NCALD: variants seen among roughly 807,000 people sequenced by gnomAD.
NCALD encodes the protein neurocalcin delta.
In NCALD, 10 loss-of-function variants were observed where a neutral mutation model predicts 18.6. That is an observed-to-expected ratio of 0.54 (90% CI 0.33 to 0.91). The LOEUF (loss-of-function observed/expected upper bound fraction) is 0.91. Among genes scored for constraint, NCALD ranks in the 40% least tolerant of loss-of-function variants. NCALD has a pLI of 0.03. For missense variants in NCALD, 184 were observed against 247.6 expected, an observed-to-expected ratio of 0.74 and a Z score of 1.72; for synonymous variants, 88 against 87.4, an observed-to-expected ratio of 1.01 and a Z score of -0.04.
At chr8:101,753,654 T>A (rs10216921) in intron 1 of NCALD, among the ~76,000 whole-genome samples, 1 of 151,878 alleles carries the variant, frequency 6.6e-6, no homozygotes, top group Admixed American at 6.6e-5. Flanking sequence ...AGGGTAGGGG[T>A]GGGGTTCCAA....
Position 101,789,721 on chromosome 8 carries a change from C to A in NCALD, c.-20+1141G>T, listed in dbSNP as rs1030312031. Reference sequence around the variant, plus strand: ...ACATGTAGTGCTCTAAAATTTGCCCCTTTTTCTGTTAAACTTGTAAGATTT... The same window carrying A: ...ACATGTAGTGCTCTAAAATTTGCCCATTTTTCTGTTAAACTTGTAAGATTT... On this transcript the variant is annotated intron_variant, in intron 1 of 3. Coordinates refer to ENST00000220931, the MANE Select transcript of NCALD (RefSeq NM_032041.3). Among the ~76,000 whole-genome samples the A allele has an allele frequency of 5.6e-4, 85 of 152,090 alleles. 1 individual carries two copies. The highest frequency in any genetic ancestry group is 1.6e-4 in the Non-Finnish European group (11 of 68,000).
At chr8:101,919,313 A>T (rs753054888) in intron 2 of NCALD, among the ~76,000 whole-genome samples, 22 of 152,256 alleles carry the variant, frequency 1.4e-4, no homozygotes, top group Non-Finnish European at 3.1e-4. Flanking sequence ...GTGCTCAGAT[A>T]GCTGGCTAGC....
intron 2 of NCALD, among the ~76,000 whole-genome samples, chr8:101,935,813 G>T (rs1197476864): frequency 6.9e-6 from 1 of 145,050 alleles, no homozygotes; most frequent in Non-Finnish European, 1.5e-5. Context: ...TTTAAAGATG[G>T]AAGACATTAT....
chr8:101,828,698 C>T (rs1814044391), intron 4 of NCALD, among the ~76,000 whole-genome samples: 1 of 151,936 alleles, frequency 6.6e-6, no homozygotes, highest in Non-Finnish European at 1.5e-5. Flanking sequence ...AACTCTTGGG[C>T]TCAAGCAATC....
Position 102,081,557 on chromosome 8 carries a change from A to C in NCALD, c.-210+42680T>G, listed in dbSNP as rs867470844. On this transcript the variant is annotated intron_variant, in intron 1 of 6. Coordinates refer to the NCALD transcript ENST00000311028. ...ATTCAAATAATGGTAAAAAAAAAAA[A>C]AAAAAAAAAAAAAAAAAAACCCCAA... Among the ~76,000 whole-genome samples, 610 of 99,758 alleles carry C rather than the reference A, an allele frequency of 6.1e-3. 9 individuals carry two copies. The highest frequency in any genetic ancestry group is 0.039 in the African/African-American group (556 of 14,316). The allele number at this position is 99,758 out of a possible 152,430, so 65.4% of individuals were successfully genotyped here.
chr8:101,690,489 G>C (rs931659647), intron 3 of NCALD: 1 of 985,392 alleles, frequency 1.0e-6, no homozygotes, highest in South Asian at 4.7e-5. Flanking sequence ...GGACTCTCAC[G>C]CTAAGCCATA....
intron 2 of NCALD, among the ~76,000 whole-genome samples, chr8:101,715,468 T>C (rs1816032081): frequency 6.8e-6 from 1 of 147,388 alleles, no homozygotes; most frequent in African/African-American, 2.6e-5. Context: ...CAAAAGCCAA[T>C]GGGACCTAAT....
rs1159888718 is a variant in NCALD, at chr8:101,712,600, AAAAAAAAAAAAT to A, written c.378+6640_378+6651del. 9.8e-5 allele frequency among the ~76,000 whole-genome samples: 9 copies of A among 92,296 alleles called. No homozygotes were observed. In the Admixed American group the frequency reaches 1.2e-3, roughly 12 times the overall value. The allele number at this position is 92,296 out of a possible 152,430, so 60.5% of individuals were successfully genotyped here. A position where few individuals can be genotyped will look rare whatever the true frequency, so the allele number is the denominator to read the frequency against. The stretch of plus-strand genomic sequence containing the variant: ...ACAAATGGAAAGCAAAAAAAAAAAA[AAAAAAAAAAAAT>A]AGCAGAGGTTGCAATCCTAATCTCT... On this transcript the variant is annotated intron_variant, in intron 2 of 3. Transcript: ENST00000220931.
chr8:101,747,128 G>A (rs1306897205), intron 1 of NCALD, among the ~76,000 whole-genome samples: 1 of 152,154 alleles, frequency 6.6e-6, no homozygotes, highest in African/African-American at 2.4e-5. Context: ...CAGTCTGTTG[G>A]ACCCACACCC....
upstream of NCALD, among the ~76,000 whole-genome samples, chr8:101,793,802 A>G (rs1236553025): frequency 1.3e-5 from 2 of 152,214 alleles, no homozygotes; most frequent in Non-Finnish European, 2.9e-5. Context: ...TCTTTGTAAA[A>G]ATGTCAAGGC....
intron 4 of NCALD, among the ~76,000 whole-genome samples, chr8:101,799,729 C>T (rs1436077451): frequency 2.6e-5 from 4 of 152,042 alleles, no homozygotes; most frequent in East Asian, 1.9e-4. Flanking sequence ...ACAAAATTAT[C>T]GAAATAAAAA....
intron 2 of NCALD, among the ~76,000 whole-genome samples, chr8:101,919,233 A>G (rs1818077299): frequency 6.6e-6 from 1 of 152,194 alleles, no homozygotes; most frequent in Admixed American, 6.5e-5. Context: ...CTGCACACCT[A>G]CAGCTATCTG....
At chr8:101,883,954 A>G (rs564372924) in intron 4 of NCALD, among the ~76,000 whole-genome samples, 1 of 152,320 alleles carries the variant, frequency 6.6e-6, no homozygotes, top group African/African-American at 2.4e-5. Flanking sequence ...TTTACAGAAG[A>G]CCACAGGACT....
chr8:101,689,146 C>G lies in NCALD; in HGVS notation c.*163G>C. The G allele has an allele frequency of 1.4e-6, 1 of 726,078 alleles. No individual in the cohort carries two copies. The highest frequency in any genetic ancestry group is 2.5e-6 in the Non-Finnish European group (1 of 404,504). 45.0% of individuals were successfully genotyped at this position (726,078 alleles called of 1,614,324 possible). ...GCTCTGGGCATTCCCACGAAGCATC[C>G]ACGACAAAAGAAGCTGAAGGCGTCA... is the stretch of plus-strand genomic sequence containing the variant. On this transcript the variant is annotated 3_prime_UTR_variant, in exon 4 of 4. Coordinates refer to ENST00000220931, the MANE Select transcript of NCALD (RefSeq NM_032041.3). The surrounding 1 kb of genome is among the most constrained non-coding windows in gnomAD (Gnocchi z 4.4).
chr8:102,081,545 T>TAAAAAAA (rs770307937), intron 1 of NCALD, among the ~76,000 whole-genome samples: 10 of 68,696 alleles, frequency 1.5e-4, no homozygotes, highest in African/African-American at 7.2e-4. Context: ...CAAATAATGG[T>TAAAAAAA]AAAAAAAAAA....
chr8:101,961,724 C>T (rs1819843007), intron 2 of NCALD, among the ~76,000 whole-genome samples: 1 of 152,156 alleles, frequency 6.6e-6, no homozygotes, highest in African/African-American at 2.4e-5. Context: ...GCCACTGTGT[C>T]TAGCATGCTA....
intron 4 of NCALD, among the ~76,000 whole-genome samples, chr8:101,878,117 A>G (rs1816307160): frequency 6.6e-6 from 1 of 152,242 alleles, no homozygotes; most frequent in Non-Finnish European, 1.5e-5. Flanking sequence ...AACATATAGT[A>G]AATGTCCTCG....
At chr8:101,802,395 G>A (rs1037171124) in intron 4 of NCALD, among the ~76,000 whole-genome samples, 1 of 151,980 alleles carries the variant, frequency 6.6e-6, no homozygotes, top group Non-Finnish European at 1.5e-5. Flanking sequence ...CAAGTGAAAG[G>A]AAGAGTTGCA....
At chr8:101,812,054 G>A (rs17485796) in intron 4 of NCALD, among the ~76,000 whole-genome samples, 8,033 of 152,256 alleles carry the variant, frequency 0.053, 285 homozygotes, top group Non-Finnish European at 0.087. Flanking sequence ...GCTATCCTGG[G>A]AACCTGTCCT....
Sources: allele counts gnomAD v4.1 joint callset (sites outside exome capture counted in the v4.1 genomes callset), GRCh38; gene constraint gnomAD v4.1.1; non-coding constraint Gnocchi (gnomAD v3.1); transcripts MANE v1.5; gene names NCBI Gene and HGNC (gene_info 2026-07-23, HGNC 2026-07-21).